Variants in MERTK observed in about 807,000 individuals in gnomAD.
The protein encoded by MERTK is MER proto-oncogene, tyrosine kinase, also known as tyrosine-protein kinase Mer.
MERTK carries 69 observed loss-of-function variants against 99.3 expected under a neutral mutation model. The ratio of observed to expected loss-of-function variants is 0.70; its 90% CI spans 0.57 to 0.85. MERTK has a LOEUF of 0.85. MERTK is among the 40% of genes least tolerant of loss of function. The pLI, the probability that MERTK is intolerant of heterozygous loss-of-function variation, is 0.00. For missense variants in MERTK, 1,125 were observed against 1,249.4 expected, an observed-to-expected ratio of 0.90 and a Z score of 1.50; for synonymous variants, 426 against 467.6, an observed-to-expected ratio of 0.91 and a Z score of 1.15.
chr2:111,970,600 TGTG>T (rs1390680919), intron 6 of MERTK, among the ~76,000 whole-genome samples: 4 of 152,256 alleles, frequency 2.6e-5, no homozygotes, highest in African/African-American at 9.6e-5. Context: ...GTAGTTTTCT[TGTG>T]GTAGCTTTTT....
chr2:111,994,516 CTGGG>C, intron 9 of MERTK, 112 bp downstream of exon 9: 3 of 1,469,626 alleles, frequency 2.0e-6, no homozygotes, highest in South Asian at 1.1e-5. Context: ...AAAAATAAGG[CTGGG>C]CTTATCTCAA....
chr2:111,912,267 A>AC (rs1211790981), intron 1 of MERTK, among the ~76,000 whole-genome samples: 11 of 151,988 alleles, frequency 7.2e-5, no homozygotes, highest in African/African-American at 2.2e-4. Flanking sequence ...TCGGTCTCCC[A>AC]AAGTGCTGGA....
At position 111,929,343 on chromosome 2, in the gene MERTK, C is replaced by T. The variant is rs1336954170; in HGVS notation, c.285C>T (p.Ala95=). Residue 95 remains alanine (A), a synonymous_variant, in exon 2 of 19, where the codon GCC becomes GCT. Coordinates refer to ENST00000295408, the MANE Select transcript of MERTK (RefSeq NM_006343.3). The part of the protein sequence containing the change: ...SVESKPLPPL[A]FKHTVGHIIL... ...AATCAAAGCCCCTACCGCCTCTTGC[C>T]TTCAAACACACAGTTGGACACATAA... 1 of 1,614,182 alleles carries T rather than the reference C, an allele frequency of 6.2e-7. No individual in the cohort carries two copies. Among genetic ancestry groups the T allele is most frequent in the Non-Finnish European group, 8.5e-7 (1 of 1,180,036 alleles).
At chr2:111,925,537 A>G (rs1176589923) in intron 1 of MERTK, among the ~76,000 whole-genome samples, 3 of 150,206 alleles carry the variant, frequency 2.0e-5, no homozygotes, top group African/African-American at 4.9e-5. Flanking sequence ...TCCTGACCTC[A>G]GGTGATCCAC....
intron 17 of MERTK, among the ~76,000 whole-genome samples, chr2:112,021,923 A>T (rs994381370): frequency 1.3e-5 from 2 of 152,120 alleles, no homozygotes; most frequent in Non-Finnish European, 2.9e-5. Context: ...TGGAACCTAG[A>T]TGCTATATGA....
At chr2:112,021,838 C>G (rs537245928) in intron 17 of MERTK, among the ~76,000 whole-genome samples, 2 of 152,244 alleles carry the variant, frequency 1.3e-5, no homozygotes, top group East Asian at 3.9e-4. Context: ...TCCTTGCCGT[C>G]AAAGGATGAC....
Position 112,022,359 on chromosome 2 carries a change from C to T in MERTK, c.2451C>T (p.His817=). ...HEMYDYLLHG[H]RLKQPEDCLD... is the part of the protein sequence containing the mutation. Reference sequence around the variant, plus strand: ...TGTATGACTATCTTCTCCATGGCCACAGGTTGAAGCAGCCCGAAGACTGCC... The same window carrying T: ...TGTATGACTATCTTCTCCATGGCCATAGGTTGAAGCAGCCCGAAGACTGCC... The change falls in exon 18 of 19, where the codon CAC becomes CAT. Residue 817 remains histidine, a synonymous_variant. Transcript: ENST00000295408. 1 of 1,614,238 alleles carries T rather than the reference C, an allele frequency of 6.2e-7. No homozygotes were observed. The highest frequency in any genetic ancestry group is 8.5e-7 in the Non-Finnish European group (1 of 1,180,048).
chr2:112,019,119 G>T (rs1049641210), intron 15 of MERTK, among the ~76,000 whole-genome samples: 1 of 152,010 alleles, frequency 6.6e-6, no homozygotes, highest in Non-Finnish European at 1.5e-5. Flanking sequence ...AAGGATACAC[G>T]GAAGGATCAC....
intron 7 of MERTK, among the ~76,000 whole-genome samples, chr2:111,980,412 C>CTTTT (rs34831521): frequency 1.1e-3 from 110 of 100,962 alleles, no homozygotes; most frequent in East Asian, 1.8e-3. Flanking sequence ...GCAACTATTT[C>CTTTT]TTTTTTTTTT....
intron 1 of MERTK, among the ~76,000 whole-genome samples, chr2:111,908,257 G>A (rs1169399976): frequency 6.6e-6 from 1 of 152,152 alleles, no homozygotes; most frequent in African/African-American, 2.4e-5. Context: ...AATCAGGTGG[G>A]CCAACCAGTA....
At chr2:112,014,040 G>GA (rs1677162561) in intron 15 of MERTK, among the ~76,000 whole-genome samples, 3 of 80,820 alleles carry the variant, frequency 3.7e-5, no homozygotes. Context: ...TTTTTTTTTT[G>GA]AGACAGAGTC....
At chr2:112,011,480 G>A (rs1047716359) in intron 15 of MERTK, among the ~76,000 whole-genome samples, 2 of 152,244 alleles carry the variant, frequency 1.3e-5, no homozygotes, top group African/African-American at 2.4e-5. Context: ...GCCCAGGTGC[G>A]GTGGCTCATG....
chr2:111,901,497 C>G (rs748548239), intron 1 of MERTK, among the ~76,000 whole-genome samples: 2 of 151,126 alleles, frequency 1.3e-5, no homozygotes, highest in Admixed American at 6.6e-5. Context: ...AAAATGAATA[C>G]TTTTAGAAAA....
chr2:111,946,872 CT>C (rs1684969703), intron 3 of MERTK, among the ~76,000 whole-genome samples: 1 of 152,178 alleles, frequency 6.6e-6, no homozygotes, highest in African/African-American at 2.4e-5. Flanking sequence ...TCCTAGAAAG[CT>C]GGCTTAAAGT....
chr2:112,025,036 G>T (rs1308631175), intron 18 of MERTK, among the ~76,000 whole-genome samples: 1 of 152,214 alleles, frequency 6.6e-6, no homozygotes, highest in African/African-American at 2.4e-5. Context: ...CTTCTTCATA[G>T]TGAAGGAGGT....
rs1573613609 is a variant in MERTK, at chr2:111,975,492, A to G, written c.1144+20A>G. On this transcript the variant is annotated intron_variant, in intron 7 of 18. Coordinates refer to ENST00000295408, the MANE Select transcript of MERTK (RefSeq NM_006343.3). ...AAGGAGGTAATTCCTGGGGTTCAGA[A>G]TGTATATTGCCCCCAATGACATGTG... The G allele has an allele frequency of 6.2e-7, 1 of 1,611,606 alleles. No individual in the cohort carries two copies. Among genetic ancestry groups the G allele is most frequent in the Non-Finnish European group, 8.5e-7 (1 of 1,177,854 alleles).
At chr2:111,983,138 A>G in intron 8 of MERTK, 145 bp downstream of exon 8, 1 of 899,628 alleles carries the variant, frequency 1.1e-6, no homozygotes, top group Non-Finnish European at 1.7e-6. Context: ...CATAAAGAAT[A>G]TAGTAAATAT....
At chr2:111,942,816 A>G (rs1410879711) in intron 2 of MERTK, among the ~76,000 whole-genome samples, 2 of 152,226 alleles carry the variant, frequency 1.3e-5, no homozygotes, top group African/African-American at 4.8e-5. Flanking sequence ...GATCCTGGGA[A>G]CAGTAAGGAA....
intron 8 of MERTK, among the ~76,000 whole-genome samples, chr2:111,986,162 A>G (rs1299749697): frequency 2.0e-5 from 3 of 152,260 alleles, no homozygotes; most frequent in Non-Finnish European, 4.4e-5. Flanking sequence ...TCTGCCTCAT[A>G]GTAAATGATC....
Sources: gnomAD v4.1 joint callset for allele counts (sites outside exome capture counted in the v4.1 genomes callset) on GRCh38, gnomAD v4.1.1 for gene constraint, MANE v1.5 for transcripts, NCBI Gene and HGNC (gene_info 2026-07-23, HGNC 2026-07-21) for gene names.